FHIT: variants seen among roughly 807,000 people sequenced by gnomAD.
FHIT encodes bis(5'-adenosyl)-triphosphatase.
In FHIT, 19 loss-of-function variants were observed where a neutral mutation model predicts 17.9. That is an observed-to-expected ratio of 1.06 (90% CI 0.74 to 1.56). FHIT has a LOEUF of 1.56. Ranked by LOEUF, FHIT falls within the 40% of genes most tolerant of loss-of-function variation. The pLI is 0.00. For synonymous variants in FHIT, 81 were observed against 69.7 expected, an observed-to-expected ratio of 1.16 and a Z score of -0.81; for missense variants, 248 against 189.2, an observed-to-expected ratio of 1.31 and a Z score of -1.82.
At chr3:59,973,432 G>A (rs1279392863) in intron 7 of FHIT, among the ~76,000 whole-genome samples, 1 of 151,990 alleles carries the variant, frequency 6.6e-6, no homozygotes, top group East Asian at 1.9e-4. Flanking sequence ...CAGGCCCTCT[G>A]CACATGCTGT....
chr3:60,959,987 T>C (rs1709341373), intron 3 of FHIT, among the ~76,000 whole-genome samples: 1 of 151,968 alleles, frequency 6.6e-6, no homozygotes, highest in East Asian at 1.9e-4. Flanking sequence ...ATATACTTTG[T>C]AATGTTTTTA....
intron 2 of FHIT, among the ~76,000 whole-genome samples, chr3:61,177,072 G>T (rs892472200): frequency 4.6e-5 from 7 of 151,962 alleles, no homozygotes; most frequent in Non-Finnish European, 1.0e-4. Context: ...AGCTACTTGG[G>T]AGGCTGAGGC....
At chr3:60,161,768 G>A (rs2107367449) in intron 5 of FHIT, among the ~76,000 whole-genome samples, 1 of 151,902 alleles carries the variant, frequency 6.6e-6, no homozygotes, top group South Asian at 2.1e-4. Context: ...AAGGAAAACA[G>A]GGCTGAAAGT....
intron 7 of FHIT, among the ~76,000 whole-genome samples, chr3:59,940,082 G>A (rs1706438344): frequency 1.3e-5 from 2 of 152,138 alleles, no homozygotes; most frequent in African/African-American, 2.4e-5. Context: ...TGTGGGACCT[G>A]AGATAGTCAA....
At chr3:60,491,887 T>G (rs2107501965) in intron 5 of FHIT, among the ~76,000 whole-genome samples, 1 of 152,318 alleles carries the variant, frequency 6.6e-6, no homozygotes, top group Admixed American at 6.5e-5. Flanking sequence ...TTTGATTTAA[T>G]ATTTGTATTT....
intron 4 of FHIT, among the ~76,000 whole-genome samples, chr3:60,702,047 C>CA (rs2041260268): frequency 2.0e-5 from 3 of 152,116 alleles, no homozygotes; most frequent in South Asian, 2.1e-4. Flanking sequence ...ATATTTTATA[C>CA]AGACAGGGTT....
chr3:60,326,851 G>A (rs571758898), intron 5 of FHIT, among the ~76,000 whole-genome samples: 1 of 152,300 alleles, frequency 6.6e-6, no homozygotes, highest in Admixed American at 6.5e-5. Context: ...CTTTCTGGAA[G>A]AAGAATTTCA....
At chr3:60,155,835 CCACCTCAACCGT>C (rs2107346712) in intron 5 of FHIT, among the ~76,000 whole-genome samples, 1 of 152,278 alleles carries the variant, frequency 6.6e-6, no homozygotes, top group South Asian at 2.1e-4. Flanking sequence ...ACTCCAACCT[CCACCTCAACCGT>C]CACCCAAGTA....
At chr3:60,513,345 C>T (rs1004300799) in intron 5 of FHIT, among the ~76,000 whole-genome samples, 3 of 152,114 alleles carry the variant, frequency 2.0e-5, no homozygotes, top group African/African-American at 7.2e-5. Flanking sequence ...TGGAATTTCC[C>T]AGGTATTTTT....
At chr3:60,205,310 C>G (rs17062454) in intron 5 of FHIT, among the ~76,000 whole-genome samples, 4,118 of 152,104 alleles carry the variant, frequency 0.027, 191 homozygotes, top group African/African-American at 0.091. Flanking sequence ...AAAACAATGA[C>G]TGAAAAATCT....
intron 5 of FHIT, among the ~76,000 whole-genome samples, chr3:60,181,013 A>C (rs1701906589): frequency 1.3e-5 from 2 of 152,178 alleles, no homozygotes; most frequent in Admixed American, 6.5e-5. Flanking sequence ...AGTCTCTTTA[A>C]AGTACCATGA....
chr3:60,181,355 A>G (rs948265772), intron 5 of FHIT, among the ~76,000 whole-genome samples: 1 of 152,100 alleles, frequency 6.6e-6, no homozygotes, highest in Non-Finnish European at 1.5e-5. Context: ...CATGTTGGCC[A>G]GGCTGGTCTC....
intron 3 of FHIT, among the ~76,000 whole-genome samples, chr3:60,849,201 G>A (rs1295329763): frequency 6.6e-6 from 1 of 151,950 alleles, no homozygotes; most frequent in Admixed American, 6.6e-5. Flanking sequence ...TGGGAAGAAA[G>A]GGAAGAGAAG....
At chr3:60,590,593 G>T (rs2038052778) in intron 4 of FHIT, among the ~76,000 whole-genome samples, 3 of 152,084 alleles carry the variant, frequency 2.0e-5, no homozygotes, top group African/African-American at 7.2e-5. Context: ...CTTGCAGCGG[G>T]GAATTACTTA....
chr3:60,029,909 G>GTC (rs1213240286), intron 5 of FHIT, among the ~76,000 whole-genome samples: 7 of 32,226 alleles, frequency 2.2e-4, no homozygotes, highest in African/African-American at 4.4e-4. Flanking sequence ...GTGTGTGTGT[G>GTC]TGTGTGTGTG....
At chr3:60,925,519 T>C (rs547800348) in intron 3 of FHIT, among the ~76,000 whole-genome samples, 2 of 152,290 alleles carry the variant, frequency 1.3e-5, no homozygotes, top group South Asian at 4.1e-4. Context: ...CTGAGAGATT[T>C]TGTCACCACC....
At chr3:60,155,656 G>T (rs575908933) in intron 5 of FHIT, among the ~76,000 whole-genome samples, 11 of 152,292 alleles carry the variant, frequency 7.2e-5, no homozygotes, top group Admixed American at 7.2e-4. Flanking sequence ...ATTGATCCAG[G>T]AATGGGCTCC....
chr3:60,147,140 C>T (rs1202846304), intron 5 of FHIT, among the ~76,000 whole-genome samples: 6 of 151,956 alleles, frequency 3.9e-5, no homozygotes, highest in Non-Finnish European at 8.8e-5. Flanking sequence ...TCTAAAAAAG[C>T]AAAATAGTAC....
chr3:60,914,528 T>C lies in FHIT; in HGVS notation c.-110-92517A>G, dbSNP rs565994590. Reference sequence around the variant, plus strand: ...GTAAGGTTTTCAAAAAAAAAAAAGGTCCAATGAAATACACACAAAGGATAC... The same window carrying C: ...GTAAGGTTTTCAAAAAAAAAAAAGGCCCAATGAAATACACACAAAGGATAC... On this transcript the variant is annotated intron_variant, in intron 3 of 9. Coordinates refer to ENST00000492590, the MANE Select transcript of FHIT (RefSeq NM_002012.4). 1.5e-3 allele frequency among the ~76,000 whole-genome samples: 227 copies of C among 146,682 alleles called. 3 individuals are homozygous for C. Among genetic ancestry groups the C allele is most frequent in the South Asian group, 0.015 (68 of 4,676 alleles).
Sources: allele counts gnomAD v4.1 joint callset (sites outside exome capture counted in the v4.1 genomes callset), GRCh38; gene constraint gnomAD v4.1.1; transcripts MANE v1.5; gene names NCBI Gene and HGNC (gene_info 2026-07-23, HGNC 2026-07-21).